The following TBC1D5 variants were observed in gnomAD, a reference collection of about 807,000 sequenced individuals.
TBC1D5 encodes the protein TBC1 domain family, member 5.
TBC1D5 carries 75 observed loss-of-function variants against 100.3 expected under a neutral mutation model. The ratio of observed to expected loss-of-function variants is 0.75; its 90% CI spans 0.62 to 0.91. The LOEUF (loss-of-function observed/expected upper bound fraction) is 0.91. Ranked by LOEUF, TBC1D5 falls within the 40% of genes least tolerant of loss-of-function variation. The pLI, the probability that TBC1D5 is intolerant of heterozygous loss-of-function variation, is 0.00. For missense variants in TBC1D5, 910 were observed against 942.4 expected (o/e 0.97, Z 0.45); for synonymous variants, 323 against 325.6 (o/e 0.99, Z 0.09).
intron 4 of TBC1D5, among the ~76,000 whole-genome samples, chr3:17,411,168 G>C (rs1030488721): frequency 2.0e-5 from 3 of 151,480 alleles, no homozygotes; most frequent in African/African-American, 7.3e-5. Flanking sequence ...CCAGCAAAAA[G>C]ATTAAGAACT....
At chr3:17,697,787 C>T (rs1423790850) in intron 1 of TBC1D5, among the ~76,000 whole-genome samples, 19 of 151,410 alleles carry the variant, frequency 1.3e-4, no homozygotes, top group Non-Finnish European at 2.6e-4. Context: ...AAACAGAACC[C>T]GCGTTGCCAA....
At chr3:17,612,388 G>C (rs1292682431) in intron 2 of TBC1D5, among the ~76,000 whole-genome samples, 4 of 151,942 alleles carry the variant, frequency 2.6e-5, no homozygotes, top group Admixed American at 2.6e-4. Flanking sequence ...CAGCATTTTG[G>C]AGGCCGAGGC....
At chr3:17,177,268 G>A (rs1296284387) in intron 19 of TBC1D5, among the ~76,000 whole-genome samples, 2 of 152,236 alleles carry the variant, frequency 1.3e-5, no homozygotes, top group Non-Finnish European at 2.9e-5. Flanking sequence ...CTGGCCTGAA[G>A]AGGGATAAGC....
intron 1 of TBC1D5, among the ~76,000 whole-genome samples, chr3:17,699,672 A>G (rs1320274626): frequency 2.0e-5 from 2 of 98,860 alleles, no homozygotes. Flanking sequence ...GAAACTCAGT[A>G]TATGTAGATC....
intron 2 of TBC1D5, among the ~76,000 whole-genome samples, chr3:17,593,799 T>C (rs1245272640): frequency 6.6e-6 from 1 of 152,232 alleles, no homozygotes; most frequent in Non-Finnish European, 1.5e-5. Context: ...TGGAATGGCC[T>C]TTTGAAGTCA....
intron 3 of TBC1D5, among the ~76,000 whole-genome samples, chr3:17,472,096 A>G (rs1335907356): frequency 6.6e-6 from 1 of 151,966 alleles, no homozygotes; most frequent in Non-Finnish European, 1.5e-5. Flanking sequence ...ACACTAATCT[A>G]GTATATTATT....
At chr3:17,409,812 A>T (rs1362254414) in intron 4 of TBC1D5, among the ~76,000 whole-genome samples, 1 of 152,172 alleles carries the variant, frequency 6.6e-6, no homozygotes, top group African/African-American at 2.4e-5. Flanking sequence ...CTGCCAAAGA[A>T]AAGTTGGAAG....
At chr3:17,592,788 C>T (rs1405774553) in intron 2 of TBC1D5, among the ~76,000 whole-genome samples, 1 of 152,184 alleles carries the variant, frequency 6.6e-6, no homozygotes, top group African/African-American at 2.4e-5. Context: ...ACAGGTGAAT[C>T]ACAGTGGAGC....
intron 9 of TBC1D5, among the ~76,000 whole-genome samples, chr3:17,379,679 G>A (rs1271241205): frequency 6.6e-6 from 1 of 151,978 alleles, no homozygotes; most frequent in East Asian, 1.9e-4. Context: ...AGACCTCCCA[G>A]TAGATGCCTA....
chr3:17,425,559 G>A (rs527583654), intron 4 of TBC1D5, among the ~76,000 whole-genome samples: 1 of 152,158 alleles, frequency 6.6e-6, no homozygotes, highest in Non-Finnish European at 1.5e-5. Context: ...AGGCCAGGTG[G>A]TTGAGGCTGC....
intron 3 of TBC1D5, among the ~76,000 whole-genome samples, chr3:17,435,404 G>A (rs1006015246): frequency 1.3e-5 from 2 of 152,130 alleles, no homozygotes; most frequent in African/African-American, 2.4e-5. Flanking sequence ...TCACAGTTTC[G>A]CATGGCTGGG....
At chr3:17,369,203 A>G (rs2092335599) in intron 13 of TBC1D5, among the ~76,000 whole-genome samples, 1 of 152,170 alleles carries the variant, frequency 6.6e-6, no homozygotes, top group Admixed American at 6.5e-5. Flanking sequence ...TTTGCAGGTA[A>G]GAGAAGCACA....
At position 17,350,160 on chromosome 3, in the gene TBC1D5, C is replaced by T. The variant is rs79302968; in HGVS notation, c.995+21915G>A. ...TTGTTGTATTAATTGTCATTGCTTG[C>T]TTAGCATGCTCACACTGGTGGTCAT... is the stretch of plus-strand genomic sequence containing the variant. On this transcript the variant is annotated intron_variant, in intron 13 of 21. Coordinates refer to ENST00000253692, the Ensembl canonical transcript of TBC1D5. Among the ~76,000 whole-genome samples, 730 of 152,154 alleles carry T rather than the reference C, an allele frequency of 4.8e-3. 6 individuals are homozygous for T. Among genetic ancestry groups the T allele is most frequent in the African/African-American group, 0.017 (702 of 41,536 alleles).
At chr3:17,515,594 A>G (rs1336334934) in intron 2 of TBC1D5, among the ~76,000 whole-genome samples, 1 of 152,208 alleles carries the variant, frequency 6.6e-6, no homozygotes, top group Non-Finnish European at 1.5e-5. Flanking sequence ...AATGACAACA[A>G]TCACTTAATA....
chr3:17,301,820 C>T (rs1021006797), intron 14 of TBC1D5, among the ~76,000 whole-genome samples: 1 of 152,124 alleles, frequency 6.6e-6, no homozygotes, highest in Non-Finnish European at 1.5e-5. Context: ...AGCAAGGAAT[C>T]ACAAGAGTGA....
At chr3:17,660,049 T>G (rs1577292900) in intron 1 of TBC1D5, among the ~76,000 whole-genome samples, 1 of 152,214 alleles carries the variant, frequency 6.6e-6, no homozygotes, top group Non-Finnish European at 1.5e-5. Context: ...TATTTAATAA[T>G]GCAATCTCCT....
chr3:17,558,395 G>C (rs1173261867), intron 2 of TBC1D5, among the ~76,000 whole-genome samples: 1 of 151,924 alleles, frequency 6.6e-6, no homozygotes, highest in East Asian at 1.9e-4. Context: ...AAAAGCCACT[G>C]ATTTAATAAC....
At chr3:17,673,940 C>T (rs572623320) in intron 1 of TBC1D5, among the ~76,000 whole-genome samples, 30 of 152,242 alleles carry the variant, frequency 2.0e-4, no homozygotes, top group African/African-American at 6.5e-4. Context: ...CATCAAGGGG[C>T]TTTTAAATAA....
At chr3:17,677,261 AG>A (rs1352058655) in intron 1 of TBC1D5, among the ~76,000 whole-genome samples, 13 of 152,220 alleles carry the variant, frequency 8.5e-5, no homozygotes, top group African/African-American at 2.9e-4. Flanking sequence ...CATCTGACAA[AG>A]GGCTAATATC....
Sources: gnomAD v4.1 joint callset for allele counts (sites outside exome capture counted in the v4.1 genomes callset) on GRCh38, gnomAD v4.1.1 for gene constraint, MANE v1.5 for transcripts, NCBI Gene and HGNC (gene_info 2026-07-23, HGNC 2026-07-21) for gene names.